The following WDFY1 variants were observed in gnomAD, a reference collection of about 807,000 sequenced individuals.
WDFY1 encodes the protein WD repeat and FYVE domain containing 1, also known as WD repeat and FYVE domain-containing protein 1.
In WDFY1, 32 loss-of-function variants were observed where a neutral mutation model predicts 56.4. The observed-to-expected ratio is 0.57, with a 90% confidence interval of 0.43 to 0.76. WDFY1 has a LOEUF of 0.76. Ranked by LOEUF, WDFY1 falls within the 30% of genes least tolerant of loss-of-function variation. The pLI, the probability that WDFY1 is intolerant of heterozygous loss-of-function variation, is 0.00. For missense variants in WDFY1, 480 were observed against 545.7 expected (o/e 0.88, Z 1.20); for synonymous variants, 192 against 197.3 (o/e 0.97, Z 0.23).
Position 223,889,067 on chromosome 2 carries a change from C to T in WDFY1, c.832-4318G>A, listed in dbSNP as rs953198880. 1.9e-4 allele frequency among the ~76,000 whole-genome samples: 28 copies of T among 151,140 alleles called. No homozygotes were observed. In the East Asian group the frequency reaches 5.4e-3, roughly 29 times the overall value. On this transcript the variant is annotated intron_variant, in intron 8 of 11. Transcript: ENST00000233055. The stretch of plus-strand genomic sequence containing the variant: ...TACAGGTGTCTGCCACCATGCCTGG[C>T]TATTTTTTGTATTTTTAGTAGGGTT...
chr2:223,899,200 C>T lies in WDFY1; in HGVS notation c.486-130G>A, dbSNP rs116384639. 3.2e-3 allele frequency: 2,017 copies of T among 628,134 alleles called. 38 individuals are homozygous for T. In the African/African-American group the frequency reaches 0.032, roughly 10 times the overall value. 38.9% of individuals were successfully genotyped at this position (628,134 alleles called of 1,614,324 possible). A position where few individuals can be genotyped will look rare whatever the true frequency, so the allele number is the denominator to read the frequency against. ...GCATTTTAAAGAGAATAAGCATACA[C>T]GTAAAACTATAACAAGAAAGGAAAC... On this transcript the variant is annotated intron_variant, in intron 5 of 11. Coordinates refer to ENST00000233055, the MANE Select transcript of WDFY1 (RefSeq NM_020830.5).
At position 223,945,247 on chromosome 2, in the gene WDFY1, C is replaced by A. The variant is rs2106109597; in HGVS notation, c.38G>T (p.Arg13Leu). 2 of 1,589,598 alleles carry A rather than the reference C, an allele frequency of 1.3e-6. No individual in the cohort carries two copies. The highest frequency in any genetic ancestry group is 2.4e-5 in the East Asian group (1 of 41,958). The change falls in exon 1 of 12, where the codon CGC (arginine) becomes CTC (leucine). Residue 13 changes from arginine (R) to leucine (L), a missense_variant. Arg to Leu is a moderately radical substitution (Grantham distance 102). Coordinates refer to ENST00000233055, the MANE Select transcript of WDFY1 (RefSeq NM_020830.5). ...CTCGATCTTGCTCAGCAGCACCGGG[C>A]GGCTGCTCTGCGGCCTGGAGTGGAT... The part of the protein sequence containing the change: ...AEIHSRPQSS[R>L]PVLLSKIEGH...
At chr2:223,884,475 T>C (rs959293906) in intron 9 of WDFY1, among the ~76,000 whole-genome samples, 173 bp downstream of exon 9, 2 of 152,328 alleles carry the variant, frequency 1.3e-5, no homozygotes, top group Middle Eastern at 3.4e-3. Context: ...ACAGTCTCAC[T>C]GGCCCTGGGA....
intron 3 of WDFY1, among the ~76,000 whole-genome samples, chr2:223,910,524 T>A (rs1693678885): frequency 6.7e-6 from 1 of 149,952 alleles, no homozygotes; most frequent in Non-Finnish European, 1.5e-5. Flanking sequence ...GGGTCTAGTA[T>A]CTAACATACA....
intron 1 of WDFY1, among the ~76,000 whole-genome samples, chr2:223,935,025 G>C (rs535983757): frequency 8.3e-4 from 126 of 152,290 alleles, no homozygotes; most frequent in African/African-American, 2.7e-3. Flanking sequence ...ACTGAGAAGA[G>C]GGTTTCGGCG....
intron 11 of WDFY1, among the ~76,000 whole-genome samples, chr2:223,879,500 C>G (rs991135234): frequency 6.6e-6 from 1 of 151,620 alleles, no homozygotes; most frequent in Non-Finnish European, 1.5e-5. Context: ...TATGAAAAAT[C>G]CCCCCAAAAT....
chr2:223,928,859 G>A (rs1399247855), intron 1 of WDFY1, among the ~76,000 whole-genome samples: 1 of 152,242 alleles, frequency 6.6e-6, no homozygotes, highest in East Asian at 1.9e-4. Context: ...TGCCCCCAGT[G>A]AGTCTATTAG....
At chr2:223,904,051 T>C (rs1693557349) in intron 4 of WDFY1, among the ~76,000 whole-genome samples, 1 of 152,206 alleles carries the variant, frequency 6.6e-6, no homozygotes. Flanking sequence ...TACGGATTCT[T>C]GATTATTTTA....
intron 2 of WDFY1, among the ~76,000 whole-genome samples, chr2:223,912,571 T>C (rs546775152): frequency 1.3e-3 from 195 of 152,346 alleles, no homozygotes; most frequent in African/African-American, 4.5e-3. Flanking sequence ...TGAGCCAGCA[T>C]GAAGCTTCAT....
intron 1 of WDFY1, 88 bp from the exon 2 acceptor site, chr2:223,918,098 T>C (rs1395326842): frequency 1.4e-6 from 2 of 1,403,514 alleles, no homozygotes; most frequent in Non-Finnish European, 2.0e-6. Flanking sequence ...AAAATTTGTT[T>C]AACACTATTT....
At chr2:223,888,935 G>T (rs1488160122) in intron 8 of WDFY1, among the ~76,000 whole-genome samples, 17 of 121,064 alleles carry the variant, frequency 1.4e-4, no homozygotes, top group Non-Finnish European at 1.9e-4. Context: ...ATGGAGCCTC[G>T]CTCTGTCACC....
At chr2:223,887,977 A>C (rs1298526426) in intron 8 of WDFY1, among the ~76,000 whole-genome samples, 2 of 152,226 alleles carry the variant, frequency 1.3e-5, no homozygotes, top group Admixed American at 6.5e-5. Flanking sequence ...TACATGAAAT[A>C]GTTTTCTACA....
At position 223,876,476 on chromosome 2, in the gene WDFY1, A is replaced by C. The variant is rs567761025; in HGVS notation, c.*2195T>G. ...TAGCCTGTCACGTTTGTCTCTAAAA[A>C]GAAAAATGATAGGCCTGGTGGAGAG... On this transcript the variant is annotated 3_prime_UTR_variant, in exon 12 of 12. Transcript: ENST00000233055. The C allele has an allele frequency of 6.5e-6, 1 of 152,720 alleles. No individual in the cohort carries two copies. The highest frequency in any genetic ancestry group is 2.1e-4 in the South Asian group (1 of 4,830). The allele number at this position is 152,720 out of a possible 1,614,324, so 9.5% of individuals were successfully genotyped here.
At chr2:223,894,157 G>T in intron 8 of WDFY1, 77 bp downstream of exon 8, 1 of 1,420,180 alleles carries the variant, frequency 7.0e-7, no homozygotes, top group Non-Finnish European at 9.9e-7. Flanking sequence ...TTTACAGCTT[G>T]CGGGGTGAAA....
intron 1 of WDFY1, among the ~76,000 whole-genome samples, chr2:223,927,220 T>C (rs2106097869): frequency 6.6e-6 from 1 of 152,364 alleles, no homozygotes; most frequent in African/African-American, 2.4e-5. Context: ...AGTCAACCTA[T>C]CTTTTGGAGC....
intron 7 of WDFY1, among the ~76,000 whole-genome samples, chr2:223,894,955 G>A (rs762090296): frequency 2.0e-5 from 3 of 152,192 alleles, no homozygotes; most frequent in Non-Finnish European, 4.4e-5. Context: ...AGAAAAGAAA[G>A]CAAGGTGAAG....
At chr2:223,925,146 C>A (rs1172366833) in intron 1 of WDFY1, among the ~76,000 whole-genome samples, 1 of 150,052 alleles carries the variant, frequency 6.7e-6, no homozygotes, top group Non-Finnish European at 1.5e-5. Context: ...CTTATATAAT[C>A]ATTACAAATA....
At chr2:223,904,640 G>A (rs1693567606) in intron 4 of WDFY1, among the ~76,000 whole-genome samples, 1 of 152,102 alleles carries the variant, frequency 6.6e-6, no homozygotes, top group South Asian at 2.1e-4. Context: ...CCTATTATTA[G>A]ACCACATTTC....
At chr2:223,925,973 C>T (rs888992215) in intron 1 of WDFY1, among the ~76,000 whole-genome samples, 1 of 152,166 alleles carries the variant, frequency 6.6e-6, no homozygotes, top group South Asian at 2.1e-4. Flanking sequence ...CAAAGTTATC[C>T]ATGAGGGCTG....
Sources: allele counts gnomAD v4.1 joint callset (sites outside exome capture counted in the v4.1 genomes callset), GRCh38; gene constraint gnomAD v4.1.1; transcripts MANE v1.5; gene names NCBI Gene and HGNC (gene_info 2026-07-23, HGNC 2026-07-21).